The following SAFB variants were observed in gnomAD, a reference collection of about 807,000 sequenced individuals.
SAFB encodes scaffold attachment factor B.
Under a neutral mutation model 101.6 loss-of-function variants are expected in SAFB, and 15 were observed. The observed-to-expected ratio is 0.15, with a 90% CI of 0.10 to 0.23. The LOEUF (loss-of-function observed/expected upper bound fraction) is 0.23, where lower values mean the gene tolerates loss of function less well. SAFB is among the 10% of genes least tolerant of loss of function. The pLI, the probability that SAFB is intolerant of heterozygous loss-of-function variation, is 1.00. For synonymous variants in SAFB, 449 were observed against 407.5 expected, an observed-to-expected ratio of 1.10 and a Z score of -1.23; for missense variants, 930 against 1,104.1, an observed-to-expected ratio of 0.84 and a Z score of 2.23.
At chr19:5,639,504 C>T (rs1173744844) in intron 2 of SAFB, among the ~76,000 whole-genome samples, 2 of 151,862 alleles carry the variant, frequency 1.3e-5, no homozygotes, top group African/African-American at 2.4e-5. Context: ...ACCAGCCTGG[C>T]CAACATGGTG....
Position 5,660,310 on chromosome 19 carries a change from CTTT to C in SAFB, c.1863-1199_1863-1197del, listed in dbSNP as rs578193077. 4.5e-5 allele frequency among the ~76,000 whole-genome samples: 3 copies of C among 66,472 alleles called. No individual in the cohort carries two copies. In the East Asian group the frequency reaches 1.8e-3, roughly 39 times the overall value. 43.6% of individuals were successfully genotyped at this position (66,472 alleles called of 152,430 possible). A position where few individuals can be genotyped will look rare whatever the true frequency, so the allele number is the denominator to read the frequency against. ...GTAGTTGGTATACTGCACTGAGGTG[CTTT>C]TTTTTTTTAAGTAGCTCCCTGCACA... On this transcript the variant is annotated intron_variant, in intron 14 of 20. Coordinates refer to ENST00000588852, the MANE Select transcript of SAFB (RefSeq NM_001201338.2).
Position 5,654,084 on chromosome 19 carries a change from A to T in SAFB, c.1550A>T (p.Asp517Val), listed in dbSNP as rs374762064. ...SDRSTNLKRD[D>V]KCDRKDDAKK... ...AGATCTACAAACCTTAAGAGGGATG[A>T]TAAATGTGACAGAAAAGATGATGCT... The change falls in exon 12 of 21, where the codon GAT becomes GTT. Residue 517 changes from aspartate (D) to valine (V), a missense_variant. Physicochemically the swap from Asp to Val is radical, Grantham distance 152 (BLOSUM62 -3). Coordinates refer to ENST00000588852, the MANE Select transcript of SAFB (RefSeq NM_001201338.2). The T allele has an allele frequency of 1.9e-5, 31 of 1,614,182 alleles. No individual in the cohort carries two copies. In the East Asian group the frequency reaches 6.0e-4, roughly 31 times the overall value.
At chr19:5,655,602 C>G (rs770335211) in intron 13 of SAFB, among the ~76,000 whole-genome samples, 2 of 152,140 alleles carry the variant, frequency 1.3e-5, no homozygotes, top group Non-Finnish European at 2.9e-5. Context: ...TTGGCAGCAG[C>G]CCCTCCTTAA....
chr19:5,664,361 C>T, intron 16 of SAFB, 36 bp from the exon 17 acceptor site: 2 of 1,590,090 alleles, frequency 1.3e-6, no homozygotes, highest in South Asian at 1.1e-5. Context: ...CAAGCCTCTT[C>T]TTCCCCTTAC....
intron 2 of SAFB, among the ~76,000 whole-genome samples, chr19:5,640,073 C>T (rs1386386507): frequency 1.3e-5 from 2 of 151,974 alleles, no homozygotes; most frequent in Admixed American, 6.6e-5. Flanking sequence ...AGGCTAGTCC[C>T]GAAATCCTGA....
chr19:5,641,700 A>C lies in SAFB; in HGVS notation c.340-40A>C, dbSNP rs765110177. On this transcript the variant is annotated intron_variant, in intron 3 of 20. Coordinates refer to ENST00000588852, the MANE Select transcript of SAFB (RefSeq NM_001201338.2). ...GAGTGAGTAGCGTGGTGGATGGACC[A>C]GTGGCGGTCACATGATGGTTCGGTC... is the stretch of plus-strand genomic sequence containing the variant. 14 of 1,612,674 alleles carry C rather than the reference A, an allele frequency of 8.7e-6. No individual in the cohort carries two copies. The African/African-American group carries it at 1.6e-4, about 18-fold the overall frequency.
At chr19:5,628,827 T>C (rs751944220) in intron 2 of SAFB, among the ~76,000 whole-genome samples, 1 of 152,216 alleles carries the variant, frequency 6.6e-6, no homozygotes, top group Admixed American at 6.5e-5. Context: ...GGAAAATCAA[T>C]GGAGAAAGAA....
At chr19:5,644,723 A>T (rs1009416137) in intron 4 of SAFB, among the ~76,000 whole-genome samples, 1 of 152,252 alleles carries the variant, frequency 6.6e-6, no homozygotes, top group Non-Finnish European at 1.5e-5. Flanking sequence ...TCAGTCACAA[A>T]TTATCTGAAC....
chr19:5,625,361 T>C (rs1568243190), intron 1 of SAFB, among the ~76,000 whole-genome samples: 4 of 152,214 alleles, frequency 2.6e-5, no homozygotes, highest in Admixed American at 6.5e-5. Context: ...GTACTTTTCC[T>C]TGATCCCAGG....
intron 15 of SAFB, 110 bp from the exon 16 acceptor site, chr19:5,663,912 T>C: frequency 8.2e-7 from 1 of 1,224,048 alleles, no homozygotes; most frequent in East Asian, 2.3e-5. Context: ...AGAACACTCT[T>C]GGTGAAAGTC....
At position 5,668,382 on chromosome 19, in the gene SAFB, C is replaced by T. The variant is rs1195017987; in HGVS notation, c.*91C>T. The stretch of plus-strand genomic sequence containing the variant: ...CTGTGTAAAAATATTTTTTTTTAAT[C>T]TGCTGCCATATTGTAGCTCAATACA... On this transcript the variant is annotated 3_prime_UTR_variant, in exon 21 of 21. Coordinates refer to ENST00000588852, the MANE Select transcript of SAFB (RefSeq NM_001201338.2). 5 of 1,403,174 alleles carry T rather than the reference C, an allele frequency of 3.6e-6. No homozygotes were observed. Among genetic ancestry groups the T allele is most frequent in the Non-Finnish European group, 4.8e-6 (5 of 1,051,890 alleles). 86.9% of individuals were successfully genotyped at this position (1,403,174 alleles called of 1,614,324 possible). A position where few individuals can be genotyped will look rare whatever the true frequency, so the allele number is the denominator to read the frequency against.
rs777524459 is a variant in SAFB at position 5,667,337 on chromosome 19, C to G, written c.2454-10C>G. 2.8e-5 allele frequency: 42 copies of G among 1,481,682 alleles called. No homozygotes were observed. The highest frequency in any genetic ancestry group is 3.8e-5 in the Non-Finnish European group (42 of 1,116,080). 91.8% of individuals were successfully genotyped at this position (1,481,682 alleles called of 1,614,324 possible). ...GGGGCAATCCAAATCAGAGATGTCT[C>G]TCTTTCAAGGGGCAGACGTGACTGG... On this transcript the variant is annotated splice_polypyrimidine_tract_variant and intron_variant, in intron 18 of 20. Coordinates refer to ENST00000588852, the MANE Select transcript of SAFB (RefSeq NM_001201338.2). The surrounding 1 kb of genome is among the most constrained non-coding windows in gnomAD (Gnocchi z 4.0).
rs1243701678 is a variant in SAFB, at chr19:5,623,119, C to A, written c.-87C>A. 1.2e-5 allele frequency: 16 copies of A among 1,373,052 alleles called. No individual in the cohort carries two copies. The highest frequency in any genetic ancestry group is 1.5e-5 in the Non-Finnish European group (15 of 1,000,186). 85.1% of individuals were successfully genotyped at this position (1,373,052 alleles called of 1,614,324 possible). On this transcript the variant is annotated 5_prime_UTR_variant, in exon 1 of 21. Coordinates refer to ENST00000588852, the MANE Select transcript of SAFB (RefSeq NM_001201338.2). ...GCGCTGGGGCGACTGGAGCGGTTCC[C>A]TCGCAGGCGGCGCCATTTTGTGCTA...
chr19:5,639,740 A>C, intron 2 of SAFB, among the ~76,000 whole-genome samples: 1 of 152,170 alleles, frequency 6.6e-6, no homozygotes, highest in East Asian at 1.9e-4. Flanking sequence ...CCTGTAAACA[A>C]AATTTAAAAA....
In SAFB at chr19:5,664,173, C is replaced by T. The variant is rs751283014; in HGVS notation, c.2291+14C>T. 6.2e-7 allele frequency: 1 copy of T among 1,611,976 alleles called. No homozygotes were observed. Among genetic ancestry groups the T allele is most frequent in the South Asian group, 1.1e-5 (1 of 90,902 alleles). On this transcript the variant is annotated intron_variant, in intron 16 of 20. Coordinates refer to ENST00000588852, the MANE Select transcript of SAFB (RefSeq NM_001201338.2). ...CTCGGTGGACAGGTCAGTTGGGCCCCTGCTGGGCGTGCGGGTTTTCTTTTT... is the reference window on the plus strand; with the variant it reads ...CTCGGTGGACAGGTCAGTTGGGCCCTTGCTGGGCGTGCGGGTTTTCTTTTT...
chr19:5,636,121 C>T (rs1327363151), intron 2 of SAFB, among the ~76,000 whole-genome samples: 1 of 151,980 alleles, frequency 6.6e-6, no homozygotes, highest in Non-Finnish European at 1.5e-5. Flanking sequence ...GATTTGGCTG[C>T]AGTGTACCTG....
rs147050104 is a variant in SAFB, at chr19:5,648,071, G to T, written c.637+28G>T. On this transcript the variant is annotated intron_variant, in intron 6 of 20. Transcript: ENST00000588852. ...ACTGTTAAATGAAAAACTTACCAGC[G>T]GGGGTTTGGAACCATTCTAGTTTTC... 2.7e-4 allele frequency: 426 copies of T among 1,594,326 alleles called. 1 individual carries two copies. In the African/African-American group the frequency reaches 5.4e-3, roughly 20 times the overall value.
At chr19:5,644,560 C>T (rs1228880120) in intron 4 of SAFB, among the ~76,000 whole-genome samples, 1 of 152,152 alleles carries the variant, frequency 6.6e-6, no homozygotes, top group East Asian at 1.9e-4. Context: ...AGTGAATGGG[C>T]TTTTGTACCT....
intron 2 of SAFB, among the ~76,000 whole-genome samples, chr19:5,633,757 C>T (rs372993019): frequency 6.7e-6 from 1 of 149,740 alleles, no homozygotes; most frequent in East Asian, 2.0e-4. Context: ...CCAGCCTGGG[C>T]GACAGAGCGA....
Sources: gnomAD v4.1 joint callset for allele counts (sites outside exome capture counted in the v4.1 genomes callset) on GRCh38, gnomAD v4.1.1 for gene constraint, Gnocchi (gnomAD v3.1) non-coding constraint, MANE v1.5 for transcripts, NCBI Gene and HGNC (gene_info 2026-07-23, HGNC 2026-07-21) for gene names.